Variants in ARAP2 observed in about 807,000 individuals in gnomAD.
The protein encoded by ARAP2 is arf-GAP with Rho-GAP domain, ANK repeat and PH domain-containing protein 2.
A neutral mutation model predicts 194.5 loss-of-function variants in ARAP2; 148 were observed. The observed-to-expected ratio is 0.76, with a 90% confidence interval of 0.67 to 0.87. The LOEUF (loss-of-function observed/expected upper bound fraction) is 0.87. Among genes scored for constraint, ARAP2 ranks in the 40% least tolerant of loss-of-function variants. ARAP2 has a pLI of 0.00. For synonymous variants in ARAP2, 695 were observed against 683.5 expected, an observed-to-expected ratio of 1.02 and a Z score of -0.26; for missense variants, 2,128 against 1,989.7, an observed-to-expected ratio of 1.07 and a Z score of -1.32.
intron 22 of ARAP2, 42 bp downstream of exon 22, chr4:36,124,820 G>T (rs778910029): frequency 5.3e-5 from 63 of 1,195,056 alleles, no homozygotes; most frequent in Non-Finnish European, 6.7e-5. Flanking sequence ...CTTATTGAGT[G>T]CTGTGTTTGA....
At chr4:36,030,612 T>A (rs780672492) in intron 5 of ARAP2, among the ~76,000 whole-genome samples, 5 of 152,078 alleles carry the variant, frequency 3.3e-5, no homozygotes, top group South Asian at 2.1e-4. Context: ...CTTTTAAGGT[T>A]TGGTTTTGTT....
At chr4:36,100,383 G>C (rs1208557688) in intron 27 of ARAP2, among the ~76,000 whole-genome samples, 1 of 151,970 alleles carries the variant, frequency 6.6e-6, no homozygotes, top group Admixed American at 6.6e-5. Context: ...TATTTCTTCA[G>C]AGCTGTGCCT....
intron 11 of ARAP2, among the ~76,000 whole-genome samples, chr4:36,162,561 C>T (rs917084221): frequency 6.7e-6 from 1 of 149,182 alleles, no homozygotes; most frequent in Non-Finnish European, 1.5e-5. Context: ...TAATGAACAA[C>T]GAATGTTCAT....
intron 21 of ARAP2, among the ~76,000 whole-genome samples, chr4:36,128,171 G>A (rs1724422022): frequency 6.6e-6 from 1 of 151,926 alleles, no homozygotes; most frequent in African/African-American, 2.4e-5. Flanking sequence ...CTTGCAAAAT[G>A]TATCCTGTAG....
At chr4:36,082,420 G>T in intron 29 of ARAP2, 134 bp from the exon 30 acceptor site, 1 of 864,176 alleles carries the variant, frequency 1.2e-6, no homozygotes, top group Non-Finnish European at 1.8e-6. Flanking sequence ...GTGATTCAAT[G>T]TGTTGGACTT....
At chr4:36,017,022 C>T (rs551916158) in intron 6 of ARAP2, among the ~76,000 whole-genome samples, 17 of 152,116 alleles carry the variant, frequency 1.1e-4, no homozygotes, top group African/African-American at 2.6e-4. Flanking sequence ...GTGTCAAATC[C>T]GTGCTCATTT....
downstream of ARAP2, among the ~76,000 whole-genome samples, chr4:36,063,018 G>C (rs754516387): frequency 1.3e-5 from 2 of 152,038 alleles, no homozygotes; most frequent in African/African-American, 4.8e-5. Context: ...TAACTAATTG[G>C]TAACAGTGAA....
chr4:36,133,409 T>A lies in ARAP2; in HGVS notation c.3264-20A>T, dbSNP rs772635226. 1 of 1,591,296 alleles carries A rather than the reference T, an allele frequency of 6.3e-7. No individual in the cohort carries two copies. Among genetic ancestry groups the A allele is most frequent in the Non-Finnish European group, 8.6e-7 (1 of 1,168,826 alleles). ...AATGTTCTGTAAAGTTTAAAAAGCA[T>A]TTCAAATTATAATTTTGCTCTTTAA... On this transcript the variant is annotated intron_variant, in intron 19 of 32. Transcript: ENST00000303965.
chr4:36,030,020 T>A (rs1718643153), intron 5 of ARAP2, among the ~76,000 whole-genome samples: 1 of 152,096 alleles, frequency 6.6e-6, no homozygotes, highest in East Asian at 1.9e-4. Context: ...TCAATTGTAA[T>A]CTTAATTTTT....
intron 5 of ARAP2, among the ~76,000 whole-genome samples, chr4:36,033,528 T>G (rs1035247013): frequency 1.3e-5 from 2 of 148,538 alleles, no homozygotes; most frequent in African/African-American, 4.9e-5. Flanking sequence ...ATTAAGCCCC[T>G]TATAGATTCT....
chr4:36,057,881 A>G (rs1183842066), intron 2 of ARAP2: 2 of 151,606 alleles, frequency 1.3e-5, no homozygotes, highest in Non-Finnish European at 2.9e-5. Context: ...TCAAAGGGTC[A>G]ATTGTCTTGA....
At chr4:36,043,062 C>T (rs1225485101) in intron 5 of ARAP2, among the ~76,000 whole-genome samples, 2 of 152,004 alleles carry the variant, frequency 1.3e-5, no homozygotes, top group Admixed American at 6.6e-5. Context: ...AGGCTGGTCT[C>T]AAACTCCTGA....
rs548732085 is a variant in ARAP2, at chr4:36,025,746, T to G, written n.608-6460A>C. ...ACGTTACTTATGATTGACAGTGAGA[T>G]AATGGTATCACGTAAAATGGTTTTT... On this transcript the variant is annotated intron_variant and non_coding_transcript_variant, in intron 5 of 12. Coordinates refer to the ARAP2 transcript ENST00000503225. Among the ~76,000 whole-genome samples, 21 of 151,744 alleles carry G rather than the reference T, an allele frequency of 1.4e-4. 1 individual carries two copies. Among genetic ancestry groups the G allele is most frequent in the African/African-American group, 4.8e-4 (20 of 41,456 alleles).
chr4:36,153,558 A>G (rs1429340709), intron 15 of ARAP2, among the ~76,000 whole-genome samples: 1 of 152,240 alleles, frequency 6.6e-6, no homozygotes, highest in East Asian at 1.9e-4. Flanking sequence ...TGGATTGGCA[A>G]GAGGGATTAT....
intron 8 of ARAP2, among the ~76,000 whole-genome samples, chr4:36,182,873 G>A (rs560064554): frequency 6.6e-6 from 1 of 152,290 alleles, no homozygotes; most frequent in East Asian, 1.9e-4. Flanking sequence ...TATGCCAAGT[G>A]TGAGGTGTTA....
chr4:36,031,920 C>A (rs543786916), intron 5 of ARAP2, among the ~76,000 whole-genome samples: 2 of 152,112 alleles, frequency 1.3e-5, no homozygotes, highest in East Asian at 3.9e-4. Flanking sequence ...CCACCCACCT[C>A]GGCCTCCCAA....
intron 1 of ARAP2, among the ~76,000 whole-genome samples, chr4:36,058,628 A>G (rs1424191817): frequency 3.3e-5 from 5 of 152,000 alleles, no homozygotes; most frequent in African/African-American, 1.2e-4. Context: ...TCTAGCTTTC[A>G]GTGAAATCAT....
intron 27 of ARAP2, among the ~76,000 whole-genome samples, chr4:36,100,268 G>A (rs567053920): frequency 4.1e-4 from 63 of 152,146 alleles, no homozygotes; most frequent in African/African-American, 1.5e-3. Context: ...ATGAACTATT[G>A]TTATCTCTCA....
intron 6 of ARAP2, among the ~76,000 whole-genome samples, chr4:36,203,185 G>A (rs1238469046): frequency 6.6e-6 from 1 of 152,116 alleles, no homozygotes; most frequent in Non-Finnish European, 1.5e-5. Flanking sequence ...GGAGGTTTTG[G>A]GGCTGGGAGA....
Sources: allele counts gnomAD v4.1 joint callset (sites outside exome capture counted in the v4.1 genomes callset), GRCh38; gene constraint gnomAD v4.1.1; transcripts MANE v1.5; gene names NCBI Gene and HGNC (gene_info 2026-07-23, HGNC 2026-07-21).